NAP1L1: variants seen among roughly 807,000 people sequenced by gnomAD.
NAP1L1 encodes nucleosome assembly protein 1-like 1.
A neutral mutation model predicts 58.9 loss-of-function variants in NAP1L1; 9 were observed. The ratio of observed to expected loss-of-function variants is 0.15; its 90% CI spans 0.09 to 0.27. The LOEUF (loss-of-function observed/expected upper bound fraction) is 0.27, where lower values mean the gene tolerates loss of function less well. NAP1L1 is among the 10% of genes least tolerant of loss of function. The pLI is 1.00. For synonymous variants in NAP1L1, 130 were observed against 138.3 expected (o/e 0.94, Z 0.42); for missense variants, 302 against 458.8 (o/e 0.66, Z 3.12).
chr12:76,060,399 G>T lies in NAP1L1; in HGVS notation c.207-120C>A, dbSNP rs924286053. 3.6e-4 allele frequency: 336 copies of T among 938,744 alleles called. 1 individual carries two copies. The highest frequency in any genetic ancestry group is 4.5e-4 in the Middle Eastern group (2 of 4,460). The allele number at this position is 938,744 out of a possible 1,614,324, so 58.2% of individuals were successfully genotyped here. A position where few individuals can be genotyped will look rare whatever the true frequency, so the allele number is the denominator to read the frequency against. ...GACAGGTTTTTTATCTGAAGCAAAA[G>T]GTAGATTCAAAGTAAATAAAAATCA... On this transcript the variant is annotated intron_variant, in intron 4 of 14. Coordinates refer to ENST00000618691, the MANE Select transcript of NAP1L1 (RefSeq NM_004537.7).
chr12:76,083,009 T>G (rs888849255), intron 1 of NAP1L1, among the ~76,000 whole-genome samples: 4 of 152,196 alleles, frequency 2.6e-5, no homozygotes, highest in African/African-American at 9.7e-5. Context: ...GTGAGATTTT[T>G]AAAATGTAGT....
intron 12 of NAP1L1, among the ~76,000 whole-genome samples, chr12:76,050,023 T>C (rs930613306): frequency 2.0e-5 from 3 of 152,186 alleles, no homozygotes; most frequent in Non-Finnish European, 2.9e-5. Flanking sequence ...ATCAGACAAG[T>C]ATTACTGTAA....
At chr12:76,083,429 G>A (rs1950483811) in intron 1 of NAP1L1, among the ~76,000 whole-genome samples, 1 of 148,366 alleles carries the variant, frequency 6.7e-6, no homozygotes, top group Non-Finnish European at 1.5e-5. Flanking sequence ...AACTGTCTTG[G>A]GCCACACGTA....
chr12:76,042,593 T>C lies in NAP1L1; in HGVS notation c.*5836A>G, dbSNP rs893829179. ...GTTGGATCAACTGATTCCACTTATT[T>C]GAAAATAATTACAAATACGGACGGC... On this transcript the variant is annotated 3_prime_UTR_variant, in exon 15 of 15. Transcript: ENST00000618691. 2.6e-5 allele frequency: 4 copies of C among 152,226 alleles called. No homozygotes were observed. The highest frequency in any genetic ancestry group is 9.7e-5 in the African/African-American group (4 of 41,448). The allele number at this position is 152,226 out of a possible 1,614,324, so 9.4% of individuals were successfully genotyped here.
At chr12:76,072,222 A>T (rs942331871) in intron 2 of NAP1L1, among the ~76,000 whole-genome samples, 1 of 150,816 alleles carries the variant, frequency 6.6e-6, no homozygotes, top group Non-Finnish European at 1.5e-5. Context: ...AAAATGTAAG[A>T]GCAAATGGAC....
chr12:76,067,297 A>G (rs1949725753), intron 4 of NAP1L1, 74 bp downstream of exon 4: 1 of 1,114,244 alleles, frequency 9.0e-7, no homozygotes, highest in South Asian at 1.4e-5. Flanking sequence ...TCTAAATCCT[A>G]GATGGTCTTA....
chr12:76,058,060 AG>A (rs1266687898), intron 6 of NAP1L1: 6 of 771,704 alleles, frequency 7.8e-6, no homozygotes, highest in Non-Finnish European at 1.2e-5. Context: ...GACATAATTG[AG>A]GTCATTCAGG....
intron 4 of NAP1L1, among the ~76,000 whole-genome samples, chr12:76,064,547 A>G (rs1366062145): frequency 1.3e-5 from 2 of 152,190 alleles, no homozygotes; most frequent in East Asian, 1.9e-4. Flanking sequence ...CAATCCTAAA[A>G]AAGAGATAAC....
intron 1 of NAP1L1, among the ~76,000 whole-genome samples, chr12:76,080,179 T>C (rs1950346924): frequency 6.6e-6 from 1 of 152,234 alleles, no homozygotes; most frequent in African/African-American, 2.4e-5. Context: ...AAGATTATAA[T>C]GGAGCTGAAA....
In NAP1L1 at chr12:76,048,469, T is replaced by TA. The variant is rs1948676127; in HGVS notation, c.1141-6dup. 1 of 1,613,556 alleles carries TA rather than the reference T, an allele frequency of 6.2e-7. No homozygotes were observed. Among genetic ancestry groups the TA allele is most frequent in the Non-Finnish European group, 8.5e-7 (1 of 1,179,668 alleles). ...CTCTGCTGGGTTTTGATCCTTCTGT[T>TA]AAAGGAAAACAACAAGTCAATCTAT... On this transcript the variant is annotated splice_region_variant and splice_polypyrimidine_tract_variant and intron_variant, in intron 14 of 14. Transcript: ENST00000618691.
At chr12:76,079,218 A>G (rs767820794) in intron 1 of NAP1L1, among the ~76,000 whole-genome samples, 2 of 152,204 alleles carry the variant, frequency 1.3e-5, no homozygotes, top group Non-Finnish European at 2.9e-5. Context: ...ATCCCCAACC[A>G]AAACATCTTT....
In NAP1L1 at chr12:76,060,234, C is replaced by G; in HGVS notation, c.252G>C (p.Leu84=). The G allele has an allele frequency of 1.2e-6, 2 of 1,613,872 alleles. No individual in the cohort carries two copies. Among genetic ancestry groups the G allele is most frequent in the South Asian group, 1.1e-5 (1 of 91,066 alleles). ...CTTCTATCTGTGCACATTTAACTTG[C>G]AGGTTTTTGAGAGCATTCACTCGTC... ...VKRRVNALKN[L]QVKCAQIEAK... is the part of the protein sequence containing the mutation. The change falls in exon 5 of 15, where the codon CTG becomes CTC. Residue 84 remains leucine, a synonymous_variant. Transcript: ENST00000618691.
intron 12 of NAP1L1, 55 bp from the exon 13 acceptor site, chr12:76,049,840 T>C (rs1340076901): frequency 6.3e-6 from 10 of 1,580,762 alleles, no homozygotes; most frequent in African/African-American, 4.0e-5. Flanking sequence ...CATTTCAGAG[T>C]AGCATCAGTA....
At chr12:76,077,980 C>CAAAA (rs58558132) in intron 1 of NAP1L1, among the ~76,000 whole-genome samples, 37 of 65,690 alleles carry the variant, frequency 5.6e-4, no homozygotes, top group Middle Eastern at 0.011. Flanking sequence ...GACCCTGTCT[C>CAAAA]AAAAAAAAAA....
chr12:76,067,312 T>TA lies in NAP1L1; in HGVS notation c.206+58dup, dbSNP rs567522716. 1.3e-5 allele frequency: 17 copies of TA among 1,288,596 alleles called. No individual in the cohort carries two copies. In the South Asian group the frequency reaches 2.0e-4, roughly 15 times the overall value. 79.8% of individuals were successfully genotyped at this position (1,288,596 alleles called of 1,614,324 possible). A position where few individuals can be genotyped will look rare whatever the true frequency, so the allele number is the denominator to read the frequency against. On this transcript the variant is annotated intron_variant, in intron 4 of 14. Coordinates refer to ENST00000618691, the MANE Select transcript of NAP1L1 (RefSeq NM_004537.7). ...TCTAAATCCTAGATGGTCTTAAAAA[T>TA]AGATACGCCTGCAACGTTGATTATA...
At position 76,037,839 on chromosome 12, in the gene NAP1L1, T is replaced by C. The variant is rs1264591537; in HGVS notation, c.*10590A>G. The C allele has an allele frequency of 6.6e-6, 1 of 152,230 alleles. No individual in the cohort carries two copies. The highest frequency in any genetic ancestry group is 2.4e-5 in the African/African-American group (1 of 41,468). The allele number at this position is 152,230 out of a possible 1,614,324, so 9.4% of individuals were successfully genotyped here. On this transcript the variant is annotated 3_prime_UTR_variant, in exon 15 of 15. Coordinates refer to ENST00000618691, the MANE Select transcript of NAP1L1 (RefSeq NM_004537.7). ...CTACTTCACTAAATATCCAAGATCCTGGATGAGTGTTTTCGCCATTGTACC... is the reference window on the plus strand; with the variant it reads ...CTACTTCACTAAATATCCAAGATCCCGGATGAGTGTTTTCGCCATTGTACC...
intron 3 of NAP1L1, 128 bp downstream of exon 3, chr12:76,068,775 CACACTA>C: frequency 3.1e-6 from 2 of 637,652 alleles, no homozygotes; most frequent in African/African-American, 3.7e-5. Flanking sequence ...CACACACACA[CACACTA>C]GAAGTATGGA....
In NAP1L1 at chr12:76,046,630, T is replaced by C. The variant is rs1948613294; in HGVS notation, c.*1799A>G. 1 of 152,446 alleles carries C rather than the reference T, an allele frequency of 6.6e-6. No homozygotes were observed. The highest frequency in any genetic ancestry group is 2.1e-4 in the South Asian group (1 of 4,828). 9.4% of individuals were successfully genotyped at this position (152,446 alleles called of 1,614,324 possible). On this transcript the variant is annotated 3_prime_UTR_variant, in exon 15 of 15. Coordinates refer to ENST00000618691, the MANE Select transcript of NAP1L1 (RefSeq NM_004537.7). ...GGAATGGATAGCACTACAAACAATGTGTTCACATTCCAAGACCTTAACACT... is the reference window on the plus strand; with the variant it reads ...GGAATGGATAGCACTACAAACAATGCGTTCACATTCCAAGACCTTAACACT...
Position 76,056,192 on chromosome 12 carries a change from T to C in NAP1L1, c.430-31A>G, listed in dbSNP as rs753786048. 1.7e-5 allele frequency: 27 copies of C among 1,597,446 alleles called. 1 individual carries two copies. In the South Asian group the frequency reaches 2.7e-4, roughly 16 times the overall value. On this transcript the variant is annotated intron_variant, in intron 6 of 14. Transcript: ENST00000618691. ...TTAAGTGACAGCAAACATTATTTAA[T>C]ACATAGATTAGACCTCATGATAAAG... is the stretch of plus-strand genomic sequence containing the variant.
Sources: gnomAD v4.1 joint callset for allele counts (sites outside exome capture counted in the v4.1 genomes callset) on GRCh38, gnomAD v4.1.1 for gene constraint, MANE v1.5 for transcripts, NCBI Gene and HGNC (gene_info 2026-07-23, HGNC 2026-07-21) for gene names.